RIMBP2: variants seen among roughly 807,000 people sequenced by gnomAD.
RIMBP2 encodes the protein RIMS-binding protein 2.
Under a neutral mutation model 118.6 loss-of-function variants are expected in RIMBP2, and 48 were observed. The observed-to-expected ratio is 0.40, with a 90% CI of 0.32 to 0.51. The LOEUF is 0.51. RIMBP2 is among the 20% of genes least tolerant of loss of function. RIMBP2 has a pLI of 0.41. For synonymous variants in RIMBP2, 762 were observed against 742.9 expected (o/e 1.03, Z -0.42); for missense variants, 1,551 against 1,768.3 (o/e 0.88, Z 2.20).
In RIMBP2 at chr12:130,428,260, G is replaced by C. The variant is rs200738479; in HGVS notation, c.2331C>G (p.Asp777Glu). The C allele has an allele frequency of 8.1e-6, 13 of 1,613,466 alleles. No homozygotes were observed. Among genetic ancestry groups the C allele is most frequent in the Admixed American group, 6.7e-5 (4 of 59,902 alleles). Reference protein sequence around the residue: ...GSDLSDIMEEDEEELYSEMQL... With the variant: ...GSDLSDIMEEEEEELYSEMQL... ...GCATTTCAGAATACAGCTCCTCCTC[G>C]TCCTCCTCCATGATGTCTGAGAGGT... The change falls in exon 15 of 23, where the codon GAC (aspartate) becomes GAG (glutamate). Residue 777 changes from aspartate (D) to glutamate (E), a missense_variant. By Grantham distance (45) the Asp-to-Glu change is conservative. Around this residue, in one of 5 missense-constraint regions of RIMBP2, gnomAD observed 1,038 missense variants for 1,125.1 expected, o/e 0.92. Coordinates refer to ENST00000690449, the MANE Select transcript of RIMBP2 (RefSeq NM_001393629.1).
chr12:130,460,285 C>T (rs564138088), intron 6 of RIMBP2, among the ~76,000 whole-genome samples: 1 of 152,264 alleles, frequency 6.6e-6, no homozygotes, highest in Non-Finnish European at 1.5e-5. Flanking sequence ...GCAGGCCCCT[C>T]GGTAGGCTGG....
chr12:130,657,753 C>T (rs1336268861), intron 1 of RIMBP2: 11 of 150,784 alleles, frequency 7.3e-5, no homozygotes, highest in African/African-American at 1.5e-4. Context: ...GCAGTGAGGG[C>T]GGAGGATGGA....
chr12:130,437,240 G>T lies in RIMBP2; in HGVS notation c.1708C>A (p.Arg570=). ...TADSTAVELV[R]LRSLEAKGVT... ...CCCTTGGCCTCCAGGCTCCGCAGCC[G>T]CACAAGCTCCACGGCCGTGCTGTCT... The change falls in exon 13 of 23, where the codon CGG becomes AGG. Residue 570 remains arginine (R), a synonymous_variant. Coordinates refer to ENST00000690449, the MANE Select transcript of RIMBP2 (RefSeq NM_001393629.1). The T allele has an allele frequency of 6.3e-7, 1 of 1,585,896 alleles. No individual in the cohort carries two copies. Among genetic ancestry groups the T allele is most frequent in the Admixed American group, 1.7e-5 (1 of 57,706 alleles).
intron 4 of RIMBP2, among the ~76,000 whole-genome samples, chr12:130,487,699 C>T (rs11612764): frequency 6.6e-6 from 1 of 152,212 alleles, no homozygotes. Context: ...CGTGTTTATT[C>T]TATGTCATCC....
intron 2 of RIMBP2, among the ~76,000 whole-genome samples, chr12:130,618,117 A>C (rs1291841728): frequency 6.6e-6 from 1 of 152,074 alleles, no homozygotes; most frequent in African/African-American, 2.4e-5. Flanking sequence ...TGAAGAGTTA[A>C]TGATGTTCTC....
At chr12:130,567,586 C>A (rs1477170510) in intron 2 of RIMBP2, among the ~76,000 whole-genome samples, 3 of 152,310 alleles carry the variant, frequency 2.0e-5, no homozygotes, top group Admixed American at 2.0e-4. Flanking sequence ...TTGCCCCCCA[C>A]ATAACTGGGC....
chr12:130,633,996 T>C (rs967217172), intron 1 of RIMBP2: 2 of 152,200 alleles, frequency 1.3e-5, no homozygotes, highest in African/African-American at 2.4e-5. Context: ...GTCAGCTGAA[T>C]AGGATGGTAA....
intron 1 of RIMBP2, among the ~76,000 whole-genome samples, chr12:130,706,793 T>C (rs2066143600): frequency 6.6e-6 from 1 of 152,166 alleles, no homozygotes; most frequent in Admixed American, 6.5e-5. Flanking sequence ...GCTCATGCTA[T>C]TGCTCTCCAA....
intron 2 of RIMBP2, among the ~76,000 whole-genome samples, chr12:130,520,997 G>A (rs1481938324): frequency 2.0e-5 from 3 of 152,320 alleles, no homozygotes; most frequent in East Asian, 3.9e-4. Context: ...CAGGGAAGCC[G>A]GCATTGGTCC....
At chr12:130,579,570 C>T (rs2058324205) in intron 2 of RIMBP2, among the ~76,000 whole-genome samples, 1 of 152,148 alleles carries the variant, frequency 6.6e-6, no homozygotes. Context: ...GTAAAACCCT[C>T]ATAGCTGTGA....
At chr12:130,699,876 G>C (rs181854961) in intron 1 of RIMBP2, among the ~76,000 whole-genome samples, 36 of 133,168 alleles carry the variant, frequency 2.7e-4, no homozygotes, top group Non-Finnish European at 3.1e-4. Context: ...CTGCACTCCA[G>C]CCTGGGTGAT....
In RIMBP2 at chr12:130,476,277, A is replaced by G. The variant is rs188046443; in HGVS notation, c.102+2635T>C. On this transcript the variant is annotated intron_variant, in intron 5 of 22. Transcript: ENST00000690449. The stretch of plus-strand genomic sequence containing the variant: ...TTGGGGGTGGGGTCCCGTGACGGCA[A>G]GTTCAAGAAAGAGCTGGGGTTGCAG... Among the ~76,000 whole-genome samples, 632 of 152,320 alleles carry G rather than the reference A, an allele frequency of 4.1e-3. 3 individuals are homozygous for G. The highest frequency in any genetic ancestry group is 0.014 in the African/African-American group (600 of 41,566).
rs775782561 is a variant in RIMBP2, at chr12:130,446,192, G to A, written c.582-923C>T. The stretch of plus-strand genomic sequence containing the variant: ...AGGCAAATTAACTTAAAATAACAGC[G>A]AAGAACTCATTAAAAAATGAAAATA... On this transcript the variant is annotated intron_variant, in intron 9 of 22. Coordinates refer to ENST00000690449, the MANE Select transcript of RIMBP2 (RefSeq NM_001393629.1). This position sits in a 1 kb window ranked among gnomAD's most constrained non-coding sequence, Gnocchi z 4.1. Among the ~76,000 whole-genome samples the A allele has an allele frequency of 4.6e-5, 7 of 152,050 alleles. No homozygotes were observed. Among genetic ancestry groups the A allele is most frequent in the South Asian group, 2.1e-4 (1 of 4,820 alleles).
chr12:130,486,299 G>A (rs1028448994), intron 4 of RIMBP2, among the ~76,000 whole-genome samples: 4 of 151,988 alleles, frequency 2.6e-5, no homozygotes, highest in African/African-American at 9.7e-5. Context: ...GGCCCCCGTG[G>A]GGCGCGCTGA....
At chr12:130,632,149 A>G (rs1388425715) in intron 1 of RIMBP2, among the ~76,000 whole-genome samples, 1 of 152,258 alleles carries the variant, frequency 6.6e-6, no homozygotes, top group Non-Finnish European at 1.5e-5. Context: ...GTTTCTAACC[A>G]GATCAGATGG....
chr12:130,714,371 C>T (rs1950179101), intron 1 of RIMBP2, among the ~76,000 whole-genome samples: 1 of 152,350 alleles, frequency 6.6e-6, no homozygotes, highest in Admixed American at 6.5e-5. Flanking sequence ...CCACCACCCA[C>T]GCCCACCCCC....
intron 2 of RIMBP2, among the ~76,000 whole-genome samples, chr12:130,550,661 C>T (rs977746530): frequency 6.6e-6 from 1 of 152,202 alleles, no homozygotes; most frequent in South Asian, 2.1e-4. Context: ...CTATAAAATG[C>T]CATGTCATTA....
At chr12:130,540,522 C>T (rs1252594144) in intron 2 of RIMBP2, among the ~76,000 whole-genome samples, 2 of 152,174 alleles carry the variant, frequency 1.3e-5, no homozygotes, top group Non-Finnish European at 2.9e-5. Context: ...GACCATCAGA[C>T]CTCCCAGATA....
At chr12:130,610,087 C>A (rs2060421319) in intron 2 of RIMBP2, among the ~76,000 whole-genome samples, 1 of 152,216 alleles carries the variant, frequency 6.6e-6, no homozygotes, top group Non-Finnish European at 1.5e-5. Flanking sequence ...ACAAAGTCAA[C>A]CATCACGGGG....
Sources: gnomAD v4.1 joint callset for allele counts (sites outside exome capture counted in the v4.1 genomes callset) on GRCh38, gnomAD v4.1.1 for gene constraint, gnomAD v4.1.1 regional missense constraint, Gnocchi (gnomAD v3.1) non-coding constraint, MANE v1.5 for transcripts, NCBI Gene and HGNC (gene_info 2026-07-23, HGNC 2026-07-21) for gene names.